Variants in POLR1B observed in about 807,000 individuals in gnomAD.
POLR1B encodes the protein DNA-directed RNA polymerase I subunit RPA2.
Under a neutral mutation model 105.8 loss-of-function variants are expected in POLR1B, and 30 were observed. The ratio of observed to expected loss-of-function variants is 0.28; its 90% CI spans 0.21 to 0.38. The LOEUF (loss-of-function observed/expected upper bound fraction) is 0.38. Ranked by LOEUF, POLR1B falls within the 10% of genes least tolerant of loss-of-function variation. The probability of loss-of-function intolerance (pLI) is 1.00; values close to 1 mark genes in which losing one functional copy is unlikely to be tolerated. For synonymous variants in POLR1B, 485 were observed against 505.1 expected, an observed-to-expected ratio of 0.96 and a Z score of 0.53; for missense variants, 976 against 1,435.8, an observed-to-expected ratio of 0.68 and a Z score of 5.17.
intron 9 of POLR1B, among the ~76,000 whole-genome samples, chr2:112,563,024 C>T (rs1425705414): frequency 2.7e-5 from 4 of 145,834 alleles, no homozygotes; most frequent in South Asian, 4.4e-4. Flanking sequence ...TGACTGCACC[C>T]GGCCAGCTTG....
chr2:112,579,364 T>C lies in POLR1B; in HGVS notation c.*3635T>C, dbSNP rs956967945. 5 of 152,172 alleles carry C rather than the reference T, an allele frequency of 3.3e-5. No homozygotes were observed. Among genetic ancestry groups the C allele is most frequent in the Admixed American group, 2.6e-4 (4 of 15,264 alleles). 9.4% of individuals were successfully genotyped at this position (152,172 alleles called of 1,614,324 possible). A position where few individuals can be genotyped will look rare whatever the true frequency, so the allele number is the denominator to read the frequency against. ...GGTCATATGGTAGTTGCATATTTCA[T>C]TTAATAAACTGCCAAACTTTTCAGA... is the stretch of plus-strand genomic sequence containing the variant. On this transcript the variant is annotated 3_prime_UTR_variant, in exon 15 of 15. Coordinates refer to ENST00000263331, the MANE Select transcript of POLR1B (RefSeq NM_019014.6).
In POLR1B at chr2:112,542,794, C is replaced by T. The variant is rs1682830382; in HGVS notation, c.177+123C>T. ...GATCCTGACAGGCTTGGTGGGTAAG[C>T]GGGAGAGCACAACATGTTAAACAGG... is the stretch of plus-strand genomic sequence containing the variant. On this transcript the variant is annotated intron_variant, in intron 1 of 14. Coordinates refer to ENST00000263331, the MANE Select transcript of POLR1B (RefSeq NM_019014.6). The T allele has an allele frequency of 3.2e-6, 4 of 1,268,626 alleles. No individual in the cohort carries two copies. The South Asian group carries it at 5.7e-5, about 18-fold the overall frequency. The allele number at this position is 1,268,626 out of a possible 1,614,324, so 78.6% of individuals were successfully genotyped here. A position where few individuals can be genotyped will look rare whatever the true frequency, so the allele number is the denominator to read the frequency against.
intron 7 of POLR1B, among the ~76,000 whole-genome samples, chr2:112,556,080 C>G (rs2104532558): frequency 6.6e-6 from 1 of 152,310 alleles, no homozygotes; most frequent in East Asian, 1.9e-4. Context: ...TCCAGGGCTT[C>G]TTATTCCATC....
chr2:112,552,601 C>A (rs1683427580), intron 6 of POLR1B, 44 bp from the exon 7 acceptor site: 2 of 1,473,136 alleles, frequency 1.4e-6, no homozygotes, highest in African/African-American at 3.0e-5. Flanking sequence ...AGTAGTATTA[C>A]CAACTGAATT....
rs1431636781 is a variant in POLR1B, at chr2:112,547,003, G to A, written c.178-9G>A. ...TGCAAGCAATTTAATAGTGTGAATT[G>A]CATTTCAGGCTATACCTCCCTTTGA... On this transcript the variant is annotated splice_polypyrimidine_tract_variant and intron_variant, in intron 1 of 14. Coordinates refer to ENST00000263331, the MANE Select transcript of POLR1B (RefSeq NM_019014.6). The A allele has an allele frequency of 8.1e-6, 13 of 1,613,550 alleles. No individual in the cohort carries two copies. Among genetic ancestry groups the A allele is most frequent in the African/African-American group, 1.3e-5 (1 of 74,900 alleles).
rs1684993836 is a variant in POLR1B at position 112,579,233 on chromosome 2, AAAAAAAAG to A, written c.*3505_*3512del. Among the ~76,000 whole-genome samples, 1 of 149,904 alleles carries A rather than the reference AAAAAAAAG, an allele frequency of 6.7e-6. No individual in the cohort carries two copies. Among genetic ancestry groups the A allele is most frequent in the Non-Finnish European group, 1.5e-5 (1 of 67,090 alleles). On this transcript the variant is annotated 3_prime_UTR_variant, in exon 15 of 15. Coordinates refer to ENST00000263331, the MANE Select transcript of POLR1B (RefSeq NM_019014.6). ...CAAAAAAAAAAAAAAAAAAAAAAAA[AAAAAAAAG>A]GAAAGCAAAATTGTAGATAAGGAGG...
intron 1 of POLR1B, chr2:112,545,834 C>T (rs61669219): frequency 0.11 from 41,251 of 366,050 alleles, 3,152 homozygotes; most frequent in East Asian, 0.3. Flanking sequence ...TTTGTAGAGA[C>T]GGGGTCTCCC....
In POLR1B at chr2:112,547,464, T is replaced by A; in HGVS notation, c.389T>A (p.Ile130Asn). Reference sequence around the variant, plus strand: ...GTGAATGGAATCTCAAAAGGAATCATTAAGCAGTTTCTTGGCTATGTTCCC... The same window carrying A: ...GTGAATGGAATCTCAAAAGGAATCAATAAGCAGTTTCTTGGCTATGTTCCC... Reference protein sequence around the residue: ...WAVNGISKGIIKQFLGYVPIM... With the variant: ...WAVNGISKGINKQFLGYVPIM... The change falls in exon 3 of 15, where the codon ATT becomes AAT. Residue 130 changes from isoleucine to asparagine, a missense_variant. This residue lies in a region of POLR1B where 452 missense variants were observed against 616.5 expected (regional missense o/e 0.73). Coordinates refer to ENST00000263331, the MANE Select transcript of POLR1B (RefSeq NM_019014.6). 6.2e-7 allele frequency: 1 copy of A among 1,614,204 alleles called. No individual in the cohort carries two copies. Among genetic ancestry groups the A allele is most frequent in the Non-Finnish European group, 8.5e-7 (1 of 1,180,002 alleles).
chr2:112,574,723 TAAAAAAAA>T, intron 14 of POLR1B, 116 bp from the exon 15 acceptor site: 48 of 587,134 alleles, frequency 8.2e-5, no homozygotes, highest in East Asian at 1.7e-4. Flanking sequence ...CCCTGTATCA[TAAAAAAAA>T]AAAAAAAAAA....
Position 112,575,873 on chromosome 2 carries a change from G to A in POLR1B, c.*144G>A. ...CAACCAAGACCTGAAAACCAAGTAT[G>A]CAAGGTTTCTGAATCTCTCTGGTAG... On this transcript the variant is annotated 3_prime_UTR_variant, in exon 15 of 15. Coordinates refer to ENST00000263331, the MANE Select transcript of POLR1B (RefSeq NM_019014.6). This position sits in a 1 kb window ranked among gnomAD's most constrained non-coding sequence, Gnocchi z 5.3. 1.2e-6 allele frequency: 1 copy of A among 804,556 alleles called. No homozygotes were observed. Among genetic ancestry groups the A allele is most frequent in the East Asian group, 2.6e-5 (1 of 38,270 alleles). 49.8% of individuals were successfully genotyped at this position (804,556 alleles called of 1,614,324 possible).
chr2:112,566,101 G>A lies in POLR1B; in HGVS notation c.1746+1602G>A, dbSNP rs532534551. On this transcript the variant is annotated intron_variant, in intron 10 of 14. Transcript: ENST00000263331. ...TCTCCTGACCTTAACTGATCCACCC[G>A]CCTTGGCCTCCCGAAGTGCTGGGAA... Among the ~76,000 whole-genome samples the A allele has an allele frequency of 8.5e-5, 13 of 152,114 alleles. No homozygotes were observed. The South Asian group carries it at 2.7e-3, about 32-fold the overall frequency.
intron 1 of POLR1B, 173 bp downstream of exon 1, chr2:112,542,844 T>C: frequency 1.3e-6 from 1 of 765,598 alleles, no homozygotes; most frequent in South Asian, 1.9e-5. Context: ...TTCGTGAGAC[T>C]TGGAGTCGAG....
rs369819955 is a variant in POLR1B at position 112,547,060 on chromosome 2, A to G, written c.226A>G (p.Thr76Ala). Residue 76 changes from threonine (T) to alanine (A), a missense_variant, in exon 2 of 15, where the codon ACT becomes GCT. By Grantham distance (58) the Thr-to-Ala change is moderately conservative. Around this residue, in one of 12 missense-constraint regions of POLR1B, gnomAD observed 452 missense variants for 616.5 expected, o/e 0.73. Transcript: ENST00000263331. ...TTTCAAAGATGAGCGTATCTCTTTTACTATTCTGGATGCTGTTATCAGTCC... is the reference window on the plus strand; with the variant it reads ...TTTCAAAGATGAGCGTATCTCTTTTGCTATTCTGGATGCTGTTATCAGTCC... ...FAFKDERISFTILDAVISPPT... is the reference protein window; with the variant it reads ...FAFKDERISFAILDAVISPPT... 4 of 1,614,020 alleles carry G rather than the reference A, an allele frequency of 2.5e-6. No homozygotes were observed. The African/African-American group carries it at 5.3e-5, about 22-fold the overall frequency.
At chr2:112,552,153 T>C (rs930210434) in intron 6 of POLR1B, among the ~76,000 whole-genome samples, 155 bp downstream of exon 6, 3 of 152,240 alleles carry the variant, frequency 2.0e-5, no homozygotes, top group African/African-American at 7.2e-5. Flanking sequence ...ACCTTTGTTT[T>C]TGCGGCCCTC....
rs567148773 is a variant in POLR1B, at chr2:112,578,946, A to C, written c.*3217A>C. On this transcript the variant is annotated 3_prime_UTR_variant, in exon 15 of 15. Coordinates refer to ENST00000263331, the MANE Select transcript of POLR1B (RefSeq NM_019014.6). ...AAACTGGCTGGGTGCGGTGGTGCAC[A>C]CCTGTAATCCCAGGACTTTGGCAGG... Among the ~76,000 whole-genome samples the C allele has an allele frequency of 6.6e-6, 1 of 152,270 alleles. No homozygotes were observed. The highest frequency in any genetic ancestry group is 2.1e-4 in the South Asian group (1 of 4,824).
intron 9 of POLR1B, 86 bp from the exon 10 acceptor site, chr2:112,564,280 C>A: frequency 6.7e-7 from 1 of 1,488,934 alleles, no homozygotes; most frequent in Non-Finnish European, 9.2e-7. Context: ...TGAACTGATA[C>A]AGCAGCTGTT....
chr2:112,565,107 C>T (rs985865987), intron 10 of POLR1B, among the ~76,000 whole-genome samples: 1 of 152,202 alleles, frequency 6.6e-6, no homozygotes, highest in East Asian at 1.9e-4. Flanking sequence ...TGGGTTGTTT[C>T]TACCTTTTGG....
At chr2:112,546,888 T>G (rs1378243254) in intron 1 of POLR1B, 124 bp from the exon 2 acceptor site, 6 of 1,077,170 alleles carry the variant, frequency 5.6e-6, no homozygotes, top group Non-Finnish European at 8.0e-6. Context: ...TAACTGTCCT[T>G]TTTAGGTGTG....
At position 112,547,108 on chromosome 2, in the gene POLR1B, A is replaced by C. The variant is rs778153612; in HGVS notation, c.274A>C (p.Ile92Leu). The C allele has an allele frequency of 2.5e-6, 4 of 1,614,118 alleles. No individual in the cohort carries two copies. The highest frequency in any genetic ancestry group is 1.7e-5 in the Admixed American group (1 of 60,010). The change falls in exon 2 of 15, where the codon ATC becomes CTC. Residue 92 changes from isoleucine to leucine, a missense_variant. Ile to Leu is a conservative substitution (Grantham distance 5, BLOSUM62 2). Transcript: ENST00000263331. Reference sequence around the variant, plus strand: ...TCCACCTACAGTTCCAAAAGGGACCATCTGCAAAGAGGCCAATGTTTATCC... The same window carrying C: ...TCCACCTACAGTTCCAAAAGGGACCCTCTGCAAAGAGGCCAATGTTTATCC... ...ISPPTVPKGT[I>L]CKEANVYPAE...
Sources: gnomAD v4.1 joint callset for allele counts (sites outside exome capture counted in the v4.1 genomes callset) on GRCh38, gnomAD v4.1.1 for gene constraint, gnomAD v4.1.1 regional missense constraint, Gnocchi (gnomAD v3.1) non-coding constraint, MANE v1.5 for transcripts, NCBI Gene and HGNC (gene_info 2026-07-23, HGNC 2026-07-21) for gene names.